ADAMTS17: variants seen among roughly 807,000 people sequenced by gnomAD.
ADAMTS17 encodes the protein A disintegrin and metalloproteinase with thrombospondin motifs 17.
ADAMTS17 carries 113 observed loss-of-function variants against 141.5 expected under a neutral mutation model. The ratio of observed to expected loss-of-function variants is 0.80; its 90% CI spans 0.69 to 0.93. The LOEUF (loss-of-function observed/expected upper bound fraction) is 0.93. Among genes scored for constraint, ADAMTS17 ranks in the 40% least tolerant of loss-of-function variants. ADAMTS17 has a pLI of 0.00. For missense variants in ADAMTS17, 1,659 were observed against 1,517.9 expected, an observed-to-expected ratio of 1.09 and a Z score of -1.54; for synonymous variants, 768 against 630.6, an observed-to-expected ratio of 1.22 and a Z score of -3.27.
chr15:100,340,884 G>T, intron 2 of ADAMTS17, 155 bp downstream of exon 2: 2 of 1,192,198 alleles, frequency 1.7e-6, no homozygotes, highest in Non-Finnish European at 2.3e-6. Context: ...GAAGGCCGGG[G>T]TGGGGGATGG....
chr15:100,123,909 G>GT (rs2037582049), intron 12 of ADAMTS17, among the ~76,000 whole-genome samples: 1 of 152,140 alleles, frequency 6.6e-6, no homozygotes, highest in African/African-American at 2.4e-5. Flanking sequence ...TCATCGGGGT[G>GT]TGATGGGTTT....
intron 4 of ADAMTS17, among the ~76,000 whole-genome samples, chr15:100,272,031 G>GAA (rs56919657): frequency 3.5e-5 from 1 of 28,654 alleles, no homozygotes; most frequent in Non-Finnish European, 7.4e-5. Context: ...CCATATATAT[G>GAA]TGTTAATTGC....
At chr15:100,332,756 C>T (rs1319224576) in intron 2 of ADAMTS17, among the ~76,000 whole-genome samples, 1 of 152,182 alleles carries the variant, frequency 6.6e-6, no homozygotes, top group Admixed American at 6.5e-5. Flanking sequence ...CTCAGGGCCC[C>T]CATGTGCTGG....
chr15:100,070,634 GAAT>G (rs1243116040), intron 15 of ADAMTS17, among the ~76,000 whole-genome samples: 3 of 150,066 alleles, frequency 2.0e-5, no homozygotes, highest in Non-Finnish European at 3.0e-5. Flanking sequence ...ACCTGCTCCT[GAAT>G]GACTACTGGG....
rs188216151 is a variant in ADAMTS17, at chr15:100,096,839, G to A, written c.2017-363C>T. ...AGCCTGAACCCTCACACCAGCAGGT[G>A]CAGCCACAATTTCTCATGATGGGGG... On this transcript the variant is annotated intron_variant, in intron 14 of 21. Transcript: ENST00000268070. Among the ~76,000 whole-genome samples, 16 of 152,348 alleles carry A rather than the reference G, an allele frequency of 1.1e-4. No individual in the cohort carries two copies. In the East Asian group the frequency reaches 3.1e-3, roughly 29 times the overall value.
At chr15:100,251,640 GCAGAACCCGGGAGC>G (rs1314289408) in intron 7 of ADAMTS17, among the ~76,000 whole-genome samples, 5 of 152,280 alleles carry the variant, frequency 3.3e-5, no homozygotes, top group Non-Finnish European at 5.9e-5. Context: ...CAGGAGAATG[GCAGAACCCGGGAGC>G]CAGAACCCGG....
intron 16 of ADAMTS17, among the ~76,000 whole-genome samples, chr15:100,053,553 T>A (rs1179197046): frequency 6.6e-6 from 1 of 152,132 alleles, no homozygotes; most frequent in Non-Finnish European, 1.5e-5. Flanking sequence ...AAAAACAGAC[T>A]TGGAGTGGGG....
At chr15:99,988,519 G>A (rs1054468083) in intron 20 of ADAMTS17, among the ~76,000 whole-genome samples, 75 of 152,320 alleles carry the variant, frequency 4.9e-4, no homozygotes, top group African/African-American at 1.7e-3. Flanking sequence ...TTCCTTCACA[G>A]CAATGCAAAG....
chr15:100,199,333 T>A lies in ADAMTS17; in HGVS notation c.1166A>T (p.His389Leu), dbSNP rs1230018006. 1.2e-6 allele frequency: 2 copies of A among 1,614,216 alleles called. No homozygotes were observed. ...NGLNLAFTIAHELGHNLGMNH... is the reference protein window; with the variant it reads ...NGLNLAFTIALELGHNLGMNH... ...TGATACTTACTTGTGGCCCAGCTCA[T>A]GGGCGATGGTAAAGGCCAAATTGAG... is the stretch of plus-strand genomic sequence containing the variant. The change falls in exon 8 of 22, where the codon CAT becomes CTT. Residue 389 changes from histidine to leucine, a missense_variant. His to Leu is a moderately conservative substitution (Grantham distance 99). Transcript: ENST00000268070.
intron 7 of ADAMTS17, among the ~76,000 whole-genome samples, chr15:100,246,942 G>A (rs1210179477): frequency 6.6e-6 from 1 of 151,792 alleles, no homozygotes; most frequent in South Asian, 2.1e-4. Context: ...GGAGTGCAAT[G>A]GCACAATCTC....
At chr15:100,061,540 G>C (rs1474313452) in intron 15 of ADAMTS17, among the ~76,000 whole-genome samples, 3 of 152,220 alleles carry the variant, frequency 2.0e-5, no homozygotes, top group African/African-American at 4.8e-5. Flanking sequence ...GCCTTAAAGT[G>C]AATGTGAGTG....
chr15:100,051,008 G>A (rs1024303501), intron 17 of ADAMTS17, among the ~76,000 whole-genome samples: 5 of 152,366 alleles, frequency 3.3e-5, no homozygotes, highest in South Asian at 4.1e-4. Flanking sequence ...CCTGCAGTGT[G>A]CATGAGAGAC....
At chr15:100,201,136 A>C (rs1259098089) in intron 7 of ADAMTS17, among the ~76,000 whole-genome samples, 1 of 152,146 alleles carries the variant, frequency 6.6e-6, no homozygotes, top group Non-Finnish European at 1.5e-5. Flanking sequence ...AGCCATACAC[A>C]GGGTGGTCCC....
rs1381883824 is a variant in ADAMTS17 at position 100,123,094 on chromosome 15, C to G, written c.1722-6081G>C. ...GGAGGCCCCAACTTTCCCAAGGACCCCACACTGGGCTGGGTGGATGAAGCC... is the reference window on the plus strand; with the variant it reads ...GGAGGCCCCAACTTTCCCAAGGACCGCACACTGGGCTGGGTGGATGAAGCC... On this transcript the variant is annotated intron_variant, in intron 12 of 21. Coordinates refer to ENST00000268070, the MANE Select transcript of ADAMTS17 (RefSeq NM_139057.4). 3.3e-5 allele frequency among the ~76,000 whole-genome samples: 5 copies of G among 152,286 alleles called. No homozygotes were observed. The South Asian group carries it at 8.3e-4, about 25-fold the overall frequency.
rs928652389 is a variant in ADAMTS17 at position 99,974,166 on chromosome 15, G to A, written c.*236C>T. The stretch of plus-strand genomic sequence containing the variant: ...CGAGGTACCTGAAATCCTAGAAATT[G>A]AAGTTACTTTGTGACTCATGCCTAC... On this transcript the variant is annotated 3_prime_UTR_variant, in exon 22 of 22. Transcript: ENST00000268070. The A allele has an allele frequency of 6.9e-6, 4 of 575,724 alleles. No individual in the cohort carries two copies. The highest frequency in any genetic ancestry group is 4.0e-5 in the South Asian group (2 of 49,874). The allele number at this position is 575,724 out of a possible 1,614,324, so 35.7% of individuals were successfully genotyped here. A position where few individuals can be genotyped will look rare whatever the true frequency, so the allele number is the denominator to read the frequency against.
intron 6 of ADAMTS17, among the ~76,000 whole-genome samples, chr15:100,259,776 C>A (rs1181999217): frequency 6.6e-6 from 1 of 152,184 alleles, no homozygotes; most frequent in Non-Finnish European, 1.5e-5. Context: ...AATCGACGAA[C>A]CATCCACAAG....
At chr15:100,167,204 A>AT (rs1392145322) in intron 8 of ADAMTS17, among the ~76,000 whole-genome samples, 2 of 152,328 alleles carry the variant, frequency 1.3e-5, no homozygotes, top group African/African-American at 4.8e-5. Context: ...GGAGCCCTGG[A>AT]TATCACCTCA....
intron 18 of ADAMTS17, among the ~76,000 whole-genome samples, chr15:100,001,345 C>G (rs2060917768): frequency 7.2e-6 from 1 of 138,004 alleles, no homozygotes; most frequent in South Asian, 2.3e-4. Flanking sequence ...ATAAACTGGT[C>G]TCTTTTCCTT....
At chr15:100,260,812 G>C (rs942981519) in intron 6 of ADAMTS17, among the ~76,000 whole-genome samples, 3 of 152,038 alleles carry the variant, frequency 2.0e-5, no homozygotes, top group Non-Finnish European at 4.4e-5. Context: ...AAAATTCAAA[G>C]TTGACATATT....
Sources: allele counts gnomAD v4.1 joint callset (sites outside exome capture counted in the v4.1 genomes callset), GRCh38; gene constraint gnomAD v4.1.1; transcripts MANE v1.5; gene names NCBI Gene and HGNC (gene_info 2026-07-23, HGNC 2026-07-21).